The following ICAM3 variants were observed in gnomAD, a reference collection of about 807,000 sequenced individuals.
ICAM3 encodes ICAM-3.
ICAM3 carries 54 observed loss-of-function variants against 43.6 expected under a neutral mutation model. That is an observed-to-expected ratio of 1.24 (90% CI 0.99 to 1.55). The LOEUF is 1.55. Among genes scored for constraint, ICAM3 ranks in the 40% most tolerant of loss-of-function variants. The pLI, the probability that ICAM3 is intolerant of heterozygous loss-of-function variation, is 0.00. For synonymous variants in ICAM3, 306 were observed against 312.6 expected (o/e 0.98, Z 0.22); for missense variants, 715 against 717.9 (o/e 1.00, Z 0.05).
intron 1 of ICAM3, chr19:10,339,314 G>A (rs1408910733): frequency 2.8e-6 from 1 of 359,442 alleles, no homozygotes; most frequent in Non-Finnish European, 5.2e-6. Context: ...AGCATGAGGG[G>A]TGTGTGTGTG....
chr19:10,334,199 G>GTGAGC lies in ICAM3; in HGVS notation c.1397_1401dup (p.Arg468AlafsTer11), dbSNP rs1473935758. ...ACCACGACCAGGGTGTATTTGCCTC[G>GTGAGC]TGAGCTGGACGCTTGGCACTGATAA... On this transcript the variant is annotated frameshift_variant, in exon 6 of 7. Coordinates refer to ENST00000160262, the MANE Select transcript of ICAM3 (RefSeq NM_002162.5). LOFTEE classifies it low-confidence loss of function (END_TRUNC). The surrounding 1 kb of genome is among the most constrained non-coding windows in gnomAD (Gnocchi z 5.5). The GTGAGC allele has an allele frequency of 6.2e-7, 1 of 1,613,894 alleles. No homozygotes were observed. Among genetic ancestry groups the GTGAGC allele is most frequent in the Non-Finnish European group, 8.5e-7 (1 of 1,180,014 alleles).
chr19:10,335,873 G>C lies in ICAM3; in HGVS notation c.447C>G (p.Ser149Arg). The C allele has an allele frequency of 6.2e-7, 1 of 1,607,866 alleles. No individual in the cohort carries two copies. The highest frequency in any genetic ancestry group is 8.5e-7 in the Non-Finnish European group (1 of 1,179,082). Residue 149 changes from serine (S) to arginine (R), a missense_variant, in exon 3 of 7, where the codon AGC becomes AGG. Ser to Arg is a moderately radical substitution (Grantham distance 110). Transcript: ENST00000160262. ...CCCAGCGAAGCAGCACCACCGTGAG[G>C]CTGGTCCGGGGCGACCCATCCTCCA... is the stretch of plus-strand genomic sequence containing the variant. ...CQVEDGSPRT[S>R]LTVVLLRWEE...
At chr19:10,337,364 C>A (rs1181074300) in intron 2 of ICAM3, among the ~76,000 whole-genome samples, 1 of 149,094 alleles carries the variant, frequency 6.7e-6, no homozygotes, top group Non-Finnish European at 1.5e-5. Context: ...TTGCAGTGAG[C>A]CAAGATTGCG....
Position 10,334,094 on chromosome 19 carries a change from C to T in ICAM3, c.1442-35G>A. On this transcript the variant is annotated intron_variant, in intron 6 of 6. Transcript: ENST00000160262. This position sits in a 1 kb window ranked among gnomAD's most constrained non-coding sequence, Gnocchi z 5.5. ...GAAAGCGCTAAGTCAATATGCGTCC[C>T]TTCTGTCTCCAACCCCCCCGCCCCC... is the stretch of plus-strand genomic sequence containing the variant. The T allele has an allele frequency of 6.2e-7, 1 of 1,610,908 alleles. No individual in the cohort carries two copies. The highest frequency in any genetic ancestry group is 8.5e-7 in the Non-Finnish European group (1 of 1,177,436).
At chr19:10,338,072 G>C (rs1044349388) in intron 2 of ICAM3, among the ~76,000 whole-genome samples, 2 of 148,678 alleles carry the variant, frequency 1.3e-5, no homozygotes, top group Non-Finnish European at 3.0e-5. Context: ...ACTCCAGCCT[G>C]GGCTACAGAG....
At position 10,338,783 on chromosome 19, in the gene ICAM3, G is replaced by A; in HGVS notation, c.242C>T (p.Ala81Val). 1 of 1,614,170 alleles carries A rather than the reference G, an allele frequency of 6.2e-7. No individual in the cohort carries two copies. The highest frequency in any genetic ancestry group is 8.5e-7 in the Non-Finnish European group (1 of 1,180,022). The change falls in exon 2 of 7, where the codon GCA becomes GTA. Residue 81 changes from alanine to valine, a missense_variant. Coordinates refer to ENST00000160262, the MANE Select transcript of ICAM3 (RefSeq NM_002162.5). ...AGTCACGTTGCTGAGATTGAAGGCT[G>A]CCCAGCCCATGCCACTGGCCACCAG... ...KELVASGMGW[A>V]AFNLSNVTGN...
chr19:10,338,036 G>A (rs574251221), intron 2 of ICAM3, among the ~76,000 whole-genome samples: 8 of 150,106 alleles, frequency 5.3e-5, no homozygotes, highest in African/African-American at 1.7e-4. Context: ...GGCAGAGGTC[G>A]CAGTGAGCCG....
Position 10,334,121 on chromosome 19 carries a change from G to A in ICAM3, c.1441+39C>T, listed in dbSNP as rs773322758. On this transcript the variant is annotated intron_variant, in intron 6 of 6. Coordinates refer to ENST00000160262, the MANE Select transcript of ICAM3 (RefSeq NM_002162.5). This position sits in a 1 kb window ranked among gnomAD's most constrained non-coding sequence, Gnocchi z 5.5. ...TCTGTCTCCAACCCCCCCGCCCCCC[G>A]GCTTACCGGTCCAGACCCGCAGCCC... is the stretch of plus-strand genomic sequence containing the variant. The A allele has an allele frequency of 1.8e-6, 2 of 1,123,890 alleles. No individual in the cohort carries two copies. The highest frequency in any genetic ancestry group is 2.4e-5 in the South Asian group (2 of 81,718). The allele number at this position is 1,123,890 out of a possible 1,614,324, so 69.6% of individuals were successfully genotyped here. A position where few individuals can be genotyped will look rare whatever the true frequency, so the allele number is the denominator to read the frequency against.
rs758463906 is a variant in ICAM3, at chr19:10,339,553, C to T, written c.62G>A (p.Cys21Tyr). The T allele has an allele frequency of 7.4e-6, 12 of 1,614,030 alleles. No individual in the cohort carries two copies. Among genetic ancestry groups the T allele is most frequent in the Non-Finnish European group, 1.0e-5 (12 of 1,179,968 alleles). ...PRACWTLLVC[C>Y]LLTPGVQGQE... ...ACTGGTCTCACCTGGGGTCAGCAGA[C>T]AGCAGACCAGCAGAGTCCAGCAGGC... The change falls in exon 1 of 7, where the codon TGT becomes TAT. Residue 21 changes from cysteine to tyrosine, a missense_variant. Physicochemically the swap from Cys to Tyr is radical, Grantham distance 194. Coordinates refer to ENST00000160262, the MANE Select transcript of ICAM3 (RefSeq NM_002162.5).
intron 2 of ICAM3, 98 bp downstream of exon 2, chr19:10,338,584 A>C: frequency 8.7e-7 from 1 of 1,143,708 alleles, no homozygotes; most frequent in Non-Finnish European, 1.3e-6. Flanking sequence ...ACTGTGGTCC[A>C]TTCTTTGCAA....
Position 10,335,345 on chromosome 19 carries a change from C to A in ICAM3, c.658G>T (p.Val220Leu). The stretch of plus-strand genomic sequence containing the variant: ...GGGGCCACGAGGCGCGGGGGGGTCA[C>A]GGGCAGGACTGGGGAGAAAGGTGGG... ...PRQLRTFVLP[V>L]TPPRLVAPRF... is the part of the protein sequence containing the mutation. Residue 220 changes from valine (V) to leucine (L), a missense_variant, in exon 4 of 7, where the codon GTG becomes TTG. Physicochemically the swap from Val to Leu is conservative, Grantham distance 32. Transcript: ENST00000160262. 1 of 1,605,440 alleles carries A rather than the reference C, an allele frequency of 6.2e-7. No homozygotes were observed. Among genetic ancestry groups the A allele is most frequent in the East Asian group, 2.2e-5 (1 of 44,752 alleles).
chr19:10,334,457 G>A lies in ICAM3; in HGVS notation c.1193-49C>T. ...AGACACCCAACACACCCGAGGCACAGTGGTGCAGAGGAGCGTCTAATCTTT... is the reference window on the plus strand; with the variant it reads ...AGACACCCAACACACCCGAGGCACAATGGTGCAGAGGAGCGTCTAATCTTT... On this transcript the variant is annotated intron_variant, in intron 5 of 6. Transcript: ENST00000160262. The surrounding 1 kb of genome is among the most constrained non-coding windows in gnomAD (Gnocchi z 5.5). The A allele has an allele frequency of 6.2e-7, 1 of 1,610,664 alleles. No homozygotes were observed.
chr19:10,333,967 C>T lies in ICAM3; in HGVS notation c.1534G>A (p.Glu512Lys). Residue 512 changes from glutamate to lysine, a missense_variant, in exon 7 of 7, where the codon GAG becomes AAG. By Grantham distance (56) the Glu-to-Lys change is moderately conservative. Transcript: ENST00000160262. This position sits in a 1 kb window ranked among gnomAD's most constrained non-coding sequence, Gnocchi z 4.2. Reference sequence around the variant, plus strand: ...TGGTAACTGCCGCTCCGTTGGTGCTCCCTGAAGACGTACATTAAGGCCAGT... The same window carrying T: ...TGGTAACTGCCGCTCCGTTGGTGCTTCCTGAAGACGTACATTAAGGCCAGT... ...IVLALMYVFR[E>K]HQRSGSYHVR... 6.2e-7 allele frequency: 1 copy of T among 1,614,164 alleles called. No homozygotes were observed. Among genetic ancestry groups the T allele is most frequent in the Non-Finnish European group, 8.5e-7 (1 of 1,180,036 alleles).
At position 10,334,894 on chromosome 19, in the gene ICAM3, G is replaced by A; in HGVS notation, c.938-112C>T. The stretch of plus-strand genomic sequence containing the variant: ...GGATATCCGGGCCACGCTTTCGGCC[G>A]TTCAAGCCTCGCCCTCTTTCCGCGC... On this transcript the variant is annotated intron_variant, in intron 4 of 6. Transcript: ENST00000160262. The surrounding 1 kb of genome is among the most constrained non-coding windows in gnomAD (Gnocchi z 5.5). The A allele has an allele frequency of 2.1e-6, 3 of 1,460,940 alleles. No individual in the cohort carries two copies. The highest frequency in any genetic ancestry group is 1.8e-6 in the Non-Finnish European group (2 of 1,090,256). The allele number at this position is 1,460,940 out of a possible 1,614,324, so 90.5% of individuals were successfully genotyped here.
chr19:10,335,082 C>A lies in ICAM3; in HGVS notation c.921G>T (p.Glu307Asp), dbSNP rs1263033439. ...TLGGERREARENLTVFSFLGP... is the reference protein window; with the variant it reads ...TLGGERREARDNLTVFSFLGP... ...TCCTCTTACTAAAGACCGTCAAGTT[C>A]TCCCGGGCCTCCCGTCTCTCGCCCC... is the stretch of plus-strand genomic sequence containing the variant. The change falls in exon 4 of 7, where the codon GAG (glutamate) becomes GAT (aspartate). Residue 307 changes from glutamate (E) to aspartate (D), a missense_variant. Transcript: ENST00000160262. The A allele has an allele frequency of 6.2e-7, 1 of 1,612,978 alleles. No individual in the cohort carries two copies. The highest frequency in any genetic ancestry group is 8.5e-7 in the Non-Finnish European group (1 of 1,179,542).
At position 10,335,142 on chromosome 19, in the gene ICAM3, C is replaced by A. The variant is rs554213558; in HGVS notation, c.861G>T (p.Glu287Asp). 1.2e-6 allele frequency: 2 copies of A among 1,613,854 alleles called. No individual in the cohort carries two copies. The highest frequency in any genetic ancestry group is 2.2e-5 in the South Asian group (2 of 91,084). Residue 287 changes from glutamate (E) to aspartate (D), a missense_variant, in exon 4 of 7, where the codon GAG becomes GAT. Glu to Asp is a conservative substitution (Grantham distance 45). Transcript: ENST00000160262. ...CGTTGCAGACGATCTCCCGGGCACCCTCCTGATCCGCGCGCGCCGTGGCTG... is the reference window on the plus strand; with the variant it reads ...CGTTGCAGACGATCTCCCGGGCACCATCCTGATCCGCGCGCGCCGTGGCTG... ...TATATARADQ[E>D]GAREIVCNVT...
Position 10,334,338 on chromosome 19 carries a change from C to A in ICAM3, c.1263G>T (p.Leu421=), listed in dbSNP as rs780001288. 6.2e-7 allele frequency: 1 copy of A among 1,614,228 alleles called. No individual in the cohort carries two copies. Among genetic ancestry groups the A allele is most frequent in the South Asian group, 1.1e-5 (1 of 91,086 alleles). Residue 421 remains leucine, a synonymous_variant, in exon 6 of 7, where the codon CTG becomes CTT. Transcript: ENST00000160262. The surrounding 1 kb of genome is among the most constrained non-coding windows in gnomAD (Gnocchi z 5.5). ...LKWKDKTRHV[L]QCQARGNPYP... ...ACGGGTTGCCCCTGGCTTGGCACTG[C>A]AGGACGTGTCTCGTTTTATCTTTCC...
In ICAM3 at chr19:10,337,685, G is replaced by A. The variant is rs541282387; in HGVS notation, c.343+997C>T. ...TTTGCACAGGCTGGAGTGCAGTGGT[G>A]CAATTATAGCTCACTACAGCCTTGA... is the stretch of plus-strand genomic sequence containing the variant. On this transcript the variant is annotated intron_variant, in intron 2 of 6. Transcript: ENST00000160262. 3.3e-5 allele frequency among the ~76,000 whole-genome samples: 5 copies of A among 152,326 alleles called. No individual in the cohort carries two copies. In the East Asian group the frequency reaches 7.7e-4, roughly 24 times the overall value.
intron 2 of ICAM3, 103 bp downstream of exon 2, chr19:10,338,579 G>A: frequency 1.9e-6 from 2 of 1,039,482 alleles, no homozygotes; most frequent in South Asian, 2.9e-5. Flanking sequence ...TCAGAACTGT[G>A]GTCCATTCTT....
Sources: gnomAD v4.1 joint callset for allele counts (sites outside exome capture counted in the v4.1 genomes callset) on GRCh38, gnomAD v4.1.1 for gene constraint, Gnocchi (gnomAD v3.1) non-coding constraint, MANE v1.5 for transcripts, NCBI Gene and HGNC (gene_info 2026-07-23, HGNC 2026-07-21) for gene names.